Variants in BCKDHB observed in about 807,000 individuals in gnomAD.
BCKDHB encodes branched chain keto acid dehydrogenase E1 subunit beta.
A neutral mutation model predicts 48.5 loss-of-function variants in BCKDHB; 41 were observed. The observed-to-expected ratio is 0.85, with a 90% CI of 0.66 to 1.10. The LOEUF is 1.10. Ranked by LOEUF, BCKDHB falls within the 50% of genes least tolerant of loss-of-function variation. The pLI is 0.00. For synonymous variants in BCKDHB, 201 were observed against 174.8 expected (o/e 1.15, Z -1.18); for missense variants, 496 against 494.2 (o/e 1.00, Z -0.03).
the BCKDHB span, among the ~76,000 whole-genome samples, chr6:80,399,290 A>T: frequency 6.8e-6 from 1 of 147,942 alleles, no homozygotes; most frequent in Non-Finnish European, 1.5e-5. Flanking sequence ...GAGCATCCAG[A>T]TGGAAAGAGA....
rs941660052 is a variant in BCKDHB at position 80,148,949 on chromosome 6, A to G, written c.344-18729A>G. 7.2e-5 allele frequency among the ~76,000 whole-genome samples: 11 copies of G among 152,320 alleles called. No individual in the cohort carries two copies. In the East Asian group the frequency reaches 1.9e-3, roughly 27 times the overall value. ...CTAAAACACCAAAATCAATGGCAAC[A>G]AAAAACCAAAATTGACAAATGGGAT... On this transcript the variant is annotated intron_variant, in intron 3 of 9. Coordinates refer to ENST00000320393, the MANE Select transcript of BCKDHB (RefSeq NM_183050.4).
the BCKDHB span, among the ~76,000 whole-genome samples, chr6:80,443,712 G>A: frequency 6.6e-6 from 1 of 151,982 alleles, no homozygotes; most frequent in Admixed American, 6.6e-5. Context: ...GTCTCATCAT[G>A]TTGCCCAGGC....
At chr6:80,113,949 A>T (rs1769549265) in intron 1 of BCKDHB, among the ~76,000 whole-genome samples, 2 of 152,014 alleles carry the variant, frequency 1.3e-5, no homozygotes, top group South Asian at 4.2e-4. Context: ...ACAAAGTTAT[A>T]CTCCTATGCA....
chr6:80,401,590 T>C, the BCKDHB span, among the ~76,000 whole-genome samples: 1 of 151,896 alleles, frequency 6.6e-6, no homozygotes, highest in South Asian at 2.1e-4. Context: ...TCTCAGGTAG[T>C]TCTTTATAGC....
At chr6:80,347,420 C>T (rs965315549), downstream of BCKDHB, among the ~76,000 whole-genome samples, 10 of 152,190 alleles carry the variant, frequency 6.6e-5, no homozygotes, top group African/African-American at 2.4e-4. Context: ...TGGCTCAAAG[C>T]ATCCTACAGG....
chr6:80,449,972 C>T, the BCKDHB span, among the ~76,000 whole-genome samples: 1 of 151,816 alleles, frequency 6.6e-6, no homozygotes, highest in Admixed American at 6.6e-5. Flanking sequence ...TTTTGGATTT[C>T]CTTTTTGTGG....
intron 8 of BCKDHB, among the ~76,000 whole-genome samples, chr6:80,265,449 C>G (rs1220310107): frequency 6.6e-6 from 1 of 152,044 alleles, no homozygotes; most frequent in African/African-American, 2.4e-5. Flanking sequence ...AAGGCAGTCA[C>G]AAGATGACAA....
the BCKDHB span, among the ~76,000 whole-genome samples, chr6:80,401,651 A>T: frequency 6.6e-6 from 1 of 151,802 alleles, no homozygotes; most frequent in Non-Finnish European, 1.5e-5. Flanking sequence ...ATTCTTAGCT[A>T]TAGGCACTAA....
chr6:80,138,769 G>A (rs1402225117), intron 3 of BCKDHB, among the ~76,000 whole-genome samples: 3 of 152,188 alleles, frequency 2.0e-5, no homozygotes, highest in Non-Finnish European at 4.4e-5. Context: ...ACATACGTGT[G>A]CATGTGTCTT....
intron 9 of BCKDHB, among the ~76,000 whole-genome samples, chr6:80,278,582 G>A (rs1352190233): frequency 6.6e-6 from 1 of 151,588 alleles, no homozygotes; most frequent in Non-Finnish European, 1.5e-5. Flanking sequence ...TTTTTTGAGA[G>A]GGAGTCTCGC....
Position 80,230,026 on chromosome 6 carries a change from G to GTTTTTTTTTTTTT in BCKDHB, c.951+26832_951+26844dup, listed in dbSNP as rs551632775. ...TGAATTCCAAAGGGGTTTTTAGGTT[G>GTTTTTTTTTTTTT]TTTTTTTTTTTTTTTTTTTTTTTTT... On this transcript the variant is annotated intron_variant, in intron 8 of 9. Transcript: ENST00000320393. Among the ~76,000 whole-genome samples, 10 of 60,658 alleles carry GTTTTTTTTTTTTT rather than the reference G, an allele frequency of 1.6e-4. 1 individual carries two copies. The highest frequency in any genetic ancestry group is 4.8e-4 in the African/African-American group (7 of 14,480). 39.8% of individuals were successfully genotyped at this position (60,658 alleles called of 152,430 possible).
chr6:80,311,973 A>G (rs770186508), intron 9 of BCKDHB, among the ~76,000 whole-genome samples: 4 of 152,200 alleles, frequency 2.6e-5, no homozygotes, highest in Admixed American at 6.5e-5. Context: ...GATTGTCAAT[A>G]GTAAGTTAAT....
chr6:80,370,771 TATA>T, the BCKDHB span, among the ~76,000 whole-genome samples: 2 of 45,030 alleles, frequency 4.4e-5, no homozygotes, highest in East Asian at 4.3e-4. Context: ...GGTGTGTATA[TATA>T]GCGTGTGTGT....
the BCKDHB span, among the ~76,000 whole-genome samples, chr6:80,400,610 A>G: frequency 1.3e-5 from 2 of 152,044 alleles, no homozygotes; most frequent in Admixed American, 6.6e-5. Flanking sequence ...GAACACATAT[A>G]CTGTTGGTGG....
At chr6:80,428,988 G>T in the BCKDHB span, among the ~76,000 whole-genome samples, 1 of 152,196 alleles carries the variant, frequency 6.6e-6, no homozygotes, top group East Asian at 1.9e-4. Context: ...TTTCTGCTAA[G>T]ATTTTTATGG....
intron 9 of BCKDHB, among the ~76,000 whole-genome samples, chr6:80,283,059 C>T (rs1361237980): frequency 6.6e-6 from 1 of 152,026 alleles, no homozygotes; most frequent in African/African-American, 2.4e-5. Context: ...AAACCAATGC[C>T]ACCTCACCGC....
the BCKDHB span, among the ~76,000 whole-genome samples, chr6:80,415,207 A>G: frequency 6.6e-6 from 1 of 152,192 alleles, no homozygotes; most frequent in Non-Finnish European, 1.5e-5. Flanking sequence ...GTTGTTTGCA[A>G]ACAGGGATGG....
At chr6:80,349,261 G>T (rs1299499055), downstream of BCKDHB, among the ~76,000 whole-genome samples, 2 of 152,152 alleles carry the variant, frequency 1.3e-5, no homozygotes, top group Non-Finnish European at 2.9e-5. Flanking sequence ...ACCACTAATA[G>T]AACTAAAAGC....
At chr6:80,422,797 C>T in the BCKDHB span, among the ~76,000 whole-genome samples, 1 of 152,152 alleles carries the variant, frequency 6.6e-6, no homozygotes, top group Non-Finnish European at 1.5e-5. Context: ...AATGCCTCTA[C>T]CCCAGTTGTA....
Sources: gnomAD v4.1 joint callset for allele counts (sites outside exome capture counted in the v4.1 genomes callset) on GRCh38, gnomAD v4.1.1 for gene constraint, MANE v1.5 for transcripts, NCBI Gene and HGNC (gene_info 2026-07-23, HGNC 2026-07-21) for gene names.